Variants in BORCS8 observed in about 807,000 individuals in gnomAD.
BORCS8 encodes the protein BLOC-1-related complex subunit 8.
BORCS8 carries 13 observed loss-of-function variants against 18.7 expected under a neutral mutation model. That is an observed-to-expected ratio of 0.70 (90% CI 0.45 to 1.11). The LOEUF (loss-of-function observed/expected upper bound fraction) is 1.11. BORCS8 is among the 50% of genes least tolerant of loss of function. The probability of loss-of-function intolerance (pLI) is 0.00; values close to 1 mark genes in which losing one functional copy is unlikely to be tolerated. For missense variants in BORCS8, 165 were observed against 165.7 expected, an observed-to-expected ratio of 1.00 and a Z score of 0.02; for synonymous variants, 68 against 64.8, an observed-to-expected ratio of 1.05 and a Z score of -0.24.
intron 1 of BORCS8, among the ~76,000 whole-genome samples, chr19:19,187,476 C>A (rs1456165378): frequency 8.7e-4 from 106 of 122,270 alleles, no homozygotes; most frequent in Admixed American, 8.9e-4. Flanking sequence ...AACTCCATCT[C>A]AAAAAAAAAA....
rs369290736 is a variant in BORCS8, at chr19:19,189,190, C to CCCAG, written c.38-2189_38-2186dup. Among the ~76,000 whole-genome samples the CCCAG allele has an allele frequency of 2.6e-3, 391 of 152,200 alleles. 1 individual carries two copies. Among genetic ancestry groups the CCCAG allele is most frequent in the African/African-American group, 7.9e-3 (330 of 41,528 alleles). On this transcript the variant is annotated intron_variant, in intron 1 of 5. Transcript: ENST00000462790. ...CAGGGTCTGTTTCAACAACGGCATT[C>CCCAG]CCAGCCAGCCAGCAGGGCCCGCCTT... is the stretch of plus-strand genomic sequence containing the variant.
rs897542083 is a variant in BORCS8, at chr19:19,182,645, C to A, written c.254G>T (p.Arg85Leu). ...CTGTTTGAGCAGACCCTCCACGCTG[C>A]GGAAGTAGACGCTGCTGTCCACCAG... ...KNLVDSSVYF[R>L]SVEGLLKQAI... The change falls in exon 4 of 6, where the codon CGC becomes CTC. Residue 85 changes from arginine to leucine, a missense_variant. Arg to Leu is a moderately radical substitution (Grantham distance 102, BLOSUM62 -2). Coordinates refer to ENST00000462790, the MANE Select transcript of BORCS8 (RefSeq NM_001145784.2). The surrounding 1 kb of genome is among the most constrained non-coding windows in gnomAD (Gnocchi z 4.1). 2.6e-6 allele frequency: 4 copies of A among 1,551,144 alleles called. No individual in the cohort carries two copies. Among genetic ancestry groups the A allele is most frequent in the East Asian group, 2.4e-5 (1 of 40,898 alleles).
intron 1 of BORCS8, among the ~76,000 whole-genome samples, chr19:19,191,801 G>A (rs2060483612): frequency 6.6e-6 from 1 of 152,086 alleles, no homozygotes; most frequent in Non-Finnish European, 1.5e-5. Flanking sequence ...CTGGTCTCGG[G>A]CTCAAGCGAT....
chr19:19,177,681 GAAGGAAGGAAGGAAGAGAAAAGAAAA>G (rs1273697179), intron 5 of BORCS8: 19 of 92,860 alleles, frequency 2.0e-4, no homozygotes, highest in African/African-American at 1.0e-3. Flanking sequence ...AGGAAGGAAG[GAAGGAAGGAAGGAAGAGAAAAGAAAA>G]GAAAAGAAAA....
At position 19,187,671 on chromosome 19, in the gene BORCS8, T is replaced by C. The variant is rs1023618928; in HGVS notation, c.38-666A>G. 1.4e-4 allele frequency among the ~76,000 whole-genome samples: 21 copies of C among 150,970 alleles called. 1 individual carries two copies. The highest frequency in any genetic ancestry group is 2.9e-4 in the Non-Finnish European group (20 of 67,808). ...CTCCTGCCTCAGCCTCCTGAGTAGC[T>C]GGGATTACAGGCATGCACCACCACG... On this transcript the variant is annotated intron_variant, in intron 1 of 5. Coordinates refer to ENST00000462790, the MANE Select transcript of BORCS8 (RefSeq NM_001145784.2).
intron 5 of BORCS8, chr19:19,179,846 C>G (rs2060332669): frequency 6.5e-6 from 1 of 152,770 alleles, no homozygotes; most frequent in South Asian, 2.1e-4. Context: ...AATGTGAAAC[C>G]AGCACTCTGC....
intron 1 of BORCS8, among the ~76,000 whole-genome samples, chr19:19,188,967 T>C (rs1489208344): frequency 6.6e-6 from 1 of 152,106 alleles, no homozygotes; most frequent in Non-Finnish European, 1.5e-5. Context: ...CCCGAGTAGC[T>C]GGGATTACAG....
intron 1 of BORCS8, among the ~76,000 whole-genome samples, chr19:19,191,494 A>T (rs1216169743): frequency 6.7e-6 from 1 of 148,692 alleles, no homozygotes; most frequent in African/African-American, 2.4e-5. Context: ...CTTGTCTCAA[A>T]AAAAAAAAAA....
chr19:19,186,649 C>T (rs2060412046), intron 2 of BORCS8, among the ~76,000 whole-genome samples: 1 of 152,240 alleles, frequency 6.6e-6, no homozygotes, highest in African/African-American at 2.4e-5. Context: ...TTCCTGAGGC[C>T]TCCCCAGCCC....
intron 3 of BORCS8, among the ~76,000 whole-genome samples, chr19:19,183,059 TG>T (rs1261016778): frequency 1.2e-4 from 18 of 152,204 alleles, no homozygotes; most frequent in Admixed American, 4.6e-4. Context: ...GAGGATGGCT[TG>T]AGCCCAGGAG....
In BORCS8 at chr19:19,182,071, A is replaced by G. The variant is rs2060354339; in HGVS notation, c.326+502T>C. ...AGGCCCCTGCCATCTCCCTGGCCCC[A>G]TCTCCCCCAGCTGGCCGGCTCCAGC... is the stretch of plus-strand genomic sequence containing the variant. On this transcript the variant is annotated intron_variant, in intron 4 of 5. Coordinates refer to ENST00000462790, the MANE Select transcript of BORCS8 (RefSeq NM_001145784.2). This position sits in a 1 kb window ranked among gnomAD's most constrained non-coding sequence, Gnocchi z 4.1. 37 of 983,592 alleles carry G rather than the reference A, an allele frequency of 3.8e-5. No homozygotes were observed. Among genetic ancestry groups the G allele is most frequent in the Non-Finnish European group, 4.5e-5 (37 of 829,110 alleles). 60.9% of individuals were successfully genotyped at this position (983,592 alleles called of 1,614,324 possible).
At chr19:19,179,630 C>T (rs558463605) in intron 5 of BORCS8, 4 of 152,790 alleles carry the variant, frequency 2.6e-5, no homozygotes, top group South Asian at 2.1e-4. Flanking sequence ...TAGGCAGGGG[C>T]TCGGTAAGTC....
At chr19:19,177,749 AAAAG>A (rs201012767) in intron 5 of BORCS8, 3,457 of 174,814 alleles carry the variant, frequency 0.02, 230 homozygotes, top group East Asian at 0.13. Flanking sequence ...AAAAGAAAAG[AAAAG>A]AAAGGAAGAA....
At chr19:19,184,095 C>G (rs1471982502) in intron 3 of BORCS8, among the ~76,000 whole-genome samples, 2 of 150,866 alleles carry the variant, frequency 1.3e-5, no homozygotes, top group Non-Finnish European at 2.9e-5. Flanking sequence ...GTTGGCCAGG[C>G]TGGTCTTAAC....
At position 19,178,972 on chromosome 19, in the gene BORCS8, AAGAG is replaced by A. The variant is rs1415209710; in HGVS notation, c.*43-1516_*43-1513del. On this transcript the variant is annotated intron_variant, in intron 5 of 5. Transcript: ENST00000462790. ...GAGACTCCATCTCAAAAAAAAAAAA[AAGAG>A]AGAAAAAAAAAGCCTCTGAGATGCG... The A allele has an allele frequency of 2.6e-5, 4 of 152,018 alleles. No homozygotes were observed. The South Asian group carries it at 8.3e-4, about 32-fold the overall frequency. 9.4% of individuals were successfully genotyped at this position (152,018 alleles called of 1,614,324 possible).
chr19:19,181,967 G>C (rs1416359746), intron 4 of BORCS8: 1 of 985,310 alleles, frequency 1.0e-6, no homozygotes, highest in African/African-American at 1.7e-5. Context: ...AATGTTCAAG[G>C]ACTGTGAGTG....
At chr19:19,181,969 CTG>C (rs922793928) in intron 4 of BORCS8, 1 of 985,370 alleles carries the variant, frequency 1.0e-6, no homozygotes, top group African/African-American at 1.7e-5. Flanking sequence ...TGTTCAAGGA[CTG>C]TGAGTGCTTT....
chr19:19,190,132 C>T lies in BORCS8; in HGVS notation c.37+1949G>A, dbSNP rs146371710. On this transcript the variant is annotated intron_variant, in intron 1 of 5. Coordinates refer to ENST00000462790, the MANE Select transcript of BORCS8 (RefSeq NM_001145784.2). ...CTACCAAGCTTAAAAGATGACCCCT[C>T]CACCTCACGGAGGACCTTGGCAGGC... Among the ~76,000 whole-genome samples the T allele has an allele frequency of 2.0e-5, 3 of 152,316 alleles. No homozygotes were observed. The East Asian group carries it at 5.8e-4, about 29-fold the overall frequency.
chr19:19,189,759 T>C (rs1390938931), intron 1 of BORCS8, among the ~76,000 whole-genome samples: 2 of 151,824 alleles, frequency 1.3e-5, no homozygotes, highest in African/African-American at 2.4e-5. Context: ...CTATAAAAAA[T>C]TGCAAAAATA....
Sources: gnomAD v4.1 joint callset for allele counts (sites outside exome capture counted in the v4.1 genomes callset) on GRCh38, gnomAD v4.1.1 for gene constraint, Gnocchi (gnomAD v3.1) non-coding constraint, MANE v1.5 for transcripts, NCBI Gene and HGNC (gene_info 2026-07-23, HGNC 2026-07-21) for gene names.